Variants in ITPR3 observed in about 807,000 individuals in gnomAD.
ITPR3 encodes inositol 1,4,5-trisphosphate-gated calcium channel ITPR3.
Under a neutral mutation model 293.2 loss-of-function variants are expected in ITPR3, and 173 were observed. The ratio of observed to expected loss-of-function variants is 0.59; its 90% CI spans 0.52 to 0.67. The LOEUF (loss-of-function observed/expected upper bound fraction) is 0.67, where lower values mean the gene tolerates loss of function less well. ITPR3 is among the 30% of genes least tolerant of loss of function. The pLI is 0.00. For missense variants in ITPR3, 2,796 were observed against 3,592.1 expected, an observed-to-expected ratio of 0.78 and a Z score of 5.66; for synonymous variants, 1,295 against 1,444.4, an observed-to-expected ratio of 0.90 and a Z score of 2.35.
rs149921802 is a variant in ITPR3 at position 33,679,517 on chromosome 6, C to T, written c.3973-365C>T. On this transcript the variant is annotated intron_variant, in intron 30 of 57. Coordinates refer to ENST00000605930, the MANE Select transcript of ITPR3 (RefSeq NM_002224.4). The surrounding 1 kb of genome is among the most constrained non-coding windows in gnomAD (Gnocchi z 4.2). ...ACTGCGAATAATGCAGTCGCTGGCA[C>T]GAGAGGTGTGTGCTCAGTGAGGAGG... 5.8e-4 allele frequency among the ~76,000 whole-genome samples: 88 copies of T among 152,254 alleles called. No individual in the cohort carries two copies. The highest frequency in any genetic ancestry group is 6.8e-3 in the Middle Eastern group (2 of 294).
intron 1 of ITPR3, among the ~76,000 whole-genome samples, chr6:33,630,522 C>T (rs1296794130): frequency 3.3e-5 from 5 of 152,188 alleles, no homozygotes; most frequent in Non-Finnish European, 7.3e-5. Context: ...CCCAGCTTTC[C>T]CTTTGGTCTC....
chr6:33,670,828 G>A lies in ITPR3; in HGVS notation c.2586+13G>A. The A allele has an allele frequency of 6.2e-7, 1 of 1,612,128 alleles. No individual in the cohort carries two copies. ...GCTCACTTTTGAGGTGGCTGGGGGA[G>A]TGCCCAGGGGCTGGGGGTCCGTGGA... On this transcript the variant is annotated intron_variant, in intron 20 of 57. Coordinates refer to ENST00000605930, the MANE Select transcript of ITPR3 (RefSeq NM_002224.4). The surrounding 1 kb of genome is among the most constrained non-coding windows in gnomAD (Gnocchi z 6.7).
chr6:33,673,052 G>A (rs1764810579), intron 22 of ITPR3, among the ~76,000 whole-genome samples: 1 of 152,178 alleles, frequency 6.6e-6, no homozygotes, highest in Non-Finnish European at 1.5e-5. Flanking sequence ...TTCCATGTCT[G>A]CATCCTGGGG....
rs1765502410 is a variant in ITPR3 at position 33,695,009 on chromosome 6, T to C, written c.7871T>C (p.Ile2624Thr). Residue 2624 changes from isoleucine to threonine, a missense_variant, in exon 57 of 58, where the codon ATT becomes ACT. Coordinates refer to ENST00000605930, the MANE Select transcript of ITPR3 (RefSeq NM_002224.4). ...EGEGEQNEIR[I>T]LQDKLNSTMK... ...GAGGGGGAGCAGAATGAGATTCGGA[T>C]TCTCCAGGACAAGCTCAACTCCACC... 6.2e-7 allele frequency: 1 copy of C among 1,613,868 alleles called. No homozygotes were observed. Among genetic ancestry groups the C allele is most frequent in the Non-Finnish European group, 8.5e-7 (1 of 1,179,996 alleles).
At position 33,679,974 on chromosome 6, in the gene ITPR3, C is replaced by T. The variant is rs371289311; in HGVS notation, c.4065C>T (p.Gly1355=). ...ACATGATGAAGGCCGCCCGCGACGG[C>T]GTGGAGGACCACAGCCCCCTCATGT... ...LLDMMKAARD[G]VEDHSPLMYH... Residue 1355 remains glycine, a synonymous_variant, in exon 31 of 58, where the codon GGC becomes GGT. Transcript: ENST00000605930. This position sits in a 1 kb window ranked among gnomAD's most constrained non-coding sequence, Gnocchi z 4.2. 1.1e-4 allele frequency: 185 copies of T among 1,613,754 alleles called. 2 individuals carry two copies. In the South Asian group the frequency reaches 1.5e-3, roughly 13 times the overall value.
chr6:33,671,173 C>T lies in ITPR3; in HGVS notation c.2595C>T (p.Ser865=), dbSNP rs201160570. The change falls in exon 21 of 58, where the codon AGC becomes AGT. Residue 865 remains serine, a synonymous_variant. Coordinates refer to ENST00000605930, the MANE Select transcript of ITPR3 (RefSeq NM_002224.4). ...CCACGCCCCCTTCGCAGGTGGTCAG[C>T]CTGGCGCACAATCTCATCTACTTCG... ...EKNKLTFEVV[S]LAHNLIYFGF... The T allele has an allele frequency of 1.2e-6, 2 of 1,613,742 alleles. No homozygotes were observed. The highest frequency in any genetic ancestry group is 1.3e-5 in the African/African-American group (1 of 75,048).
rs1022406931 is a variant in ITPR3 at position 33,692,084 on chromosome 6, C to A, written c.7458+156C>A. ...ACTTTTCCCTGCTTTCCACACCTGG[C>A]CAATTCCATGATATTACTGCTTAGC... On this transcript the variant is annotated intron_variant, in intron 54 of 57. Coordinates refer to ENST00000605930, the MANE Select transcript of ITPR3 (RefSeq NM_002224.4). The surrounding 1 kb of genome is among the most constrained non-coding windows in gnomAD (Gnocchi z 4.2). 1.3e-5 allele frequency among the ~76,000 whole-genome samples: 2 copies of A among 152,222 alleles called. No homozygotes were observed. The highest frequency in any genetic ancestry group is 2.9e-5 in the Non-Finnish European group (2 of 68,038).
rs1483297645 is a variant in ITPR3, at chr6:33,656,629, G to A, written c.282+742G>A. On this transcript the variant is annotated intron_variant, in intron 3 of 57. Coordinates refer to ENST00000605930, the MANE Select transcript of ITPR3 (RefSeq NM_002224.4). ...GCCATGATGCTGGAATGTGGTGGTCGCTCATGAGCCCCTTGTGGGCAGTGG... is the reference window on the plus strand; with the variant it reads ...GCCATGATGCTGGAATGTGGTGGTCACTCATGAGCCCCTTGTGGGCAGTGG... Among the ~76,000 whole-genome samples, 3 of 152,278 alleles carry A rather than the reference G, an allele frequency of 2.0e-5. No individual in the cohort carries two copies. In the South Asian group the frequency reaches 6.2e-4, roughly 32 times the overall value.
chr6:33,683,330 G>C lies in ITPR3; in HGVS notation c.4721G>C (p.Arg1574Pro). The change falls in exon 35 of 58, where the codon CGG (arginine) becomes CCG (proline). Residue 1574 changes from arginine to proline, a missense_variant. Physicochemically the swap from Arg to Pro is moderately radical, Grantham distance 103. Transcript: ENST00000605930. The surrounding 1 kb of genome is among the most constrained non-coding windows in gnomAD (Gnocchi z 4.5). ...RNASSYKATT[R>P]AFPRVTPTAN... ...GCCTCCAGCTACAAGGCAACCACGC[G>C]GGCCTTCCCCCGCGTCACCCCCACC... 6.3e-7 allele frequency: 1 copy of C among 1,594,730 alleles called. No homozygotes were observed. Among genetic ancestry groups the C allele is most frequent in the Non-Finnish European group, 8.5e-7 (1 of 1,171,370 alleles).
rs1536038 is a variant in ITPR3 at position 33,663,383 on chromosome 6, G to C, written c.955-117G>C. 1.3e-5 allele frequency: 3 copies of C among 228,246 alleles called. No homozygotes were observed. In the Admixed American group the frequency reaches 3.0e-4, roughly 23 times the overall value. 14.1% of individuals were successfully genotyped at this position (228,246 alleles called of 1,614,324 possible). A position where few individuals can be genotyped will look rare whatever the true frequency, so the allele number is the denominator to read the frequency against. Reference sequence around the variant, plus strand: ...TGGAATGATATGGGCACCCCTGGGAGGGTGCAGCCTGCCTGCCCAAACCCA... The same window carrying C: ...TGGAATGATATGGGCACCCCTGGGACGGTGCAGCCTGCCTGCCCAAACCCA... On this transcript the variant is annotated intron_variant, in intron 9 of 57. Coordinates refer to ENST00000605930, the MANE Select transcript of ITPR3 (RefSeq NM_002224.4).
At position 33,686,226 on chromosome 6, in the gene ITPR3, C is replaced by T; in HGVS notation, c.5841C>T (p.Tyr1947=). 6.2e-7 allele frequency: 1 copy of T among 1,613,736 alleles called. No homozygotes were observed. Among genetic ancestry groups the T allele is most frequent in the Non-Finnish European group, 8.5e-7 (1 of 1,179,938 alleles). The change falls in exon 42 of 58, where the codon TAC becomes TAT. Residue 1947 remains tyrosine (Y), a synonymous_variant. Coordinates refer to ENST00000605930, the MANE Select transcript of ITPR3 (RefSeq NM_002224.4). ...VIQTLETLTE[Y]CQGPCHENQT... ...AGACCTTGGAGACCCTCACTGAGTA[C>T]TGCCAGGGCCCCTGCCATGAGAACC...
At position 33,662,553 on chromosome 6, in the gene ITPR3, C is replaced by T. The variant is rs763954233; in HGVS notation, c.737C>T (p.Ala246Val). Residue 246 changes from alanine (A) to valine (V), a missense_variant, in exon 8 of 58, where the codon GCG becomes GTG. By Grantham distance (64) the Ala-to-Val change is moderately conservative. Around this residue, in one of 8 missense-constraint regions of ITPR3, gnomAD observed 144 missense variants for 230.8 expected, o/e 0.62. Transcript: ENST00000605930. Reference sequence around the variant, plus strand: ...GGAGACGTGGTGCGGCTGTTCCATGCGGAGCAGGAGAAGTTCCTGACGTGT... The same window carrying T: ...GGAGACGTGGTGCGGCTGTTCCATGTGGAGCAGGAGAAGTTCCTGACGTGT... ...KGGDVVRLFH[A>V]EQEKFLTCDE... 7 of 1,605,570 alleles carry T rather than the reference C, an allele frequency of 4.4e-6. No individual in the cohort carries two copies. Among genetic ancestry groups the T allele is most frequent in the African/African-American group, 1.3e-5 (1 of 74,794 alleles).
At chr6:33,630,205 A>G (rs1763642298) in intron 1 of ITPR3, among the ~76,000 whole-genome samples, 3 of 152,176 alleles carry the variant, frequency 2.0e-5, no homozygotes, top group Admixed American at 2.0e-4. Flanking sequence ...TTCCACCATG[A>G]ACACTGAGTT....
rs960117839 is a variant in ITPR3, at chr6:33,633,772, G to A, written c.90-6712G>A. On this transcript the variant is annotated intron_variant, in intron 1 of 57. Coordinates refer to ENST00000605930, the MANE Select transcript of ITPR3 (RefSeq NM_002224.4). This position sits in a 1 kb window ranked among gnomAD's most constrained non-coding sequence, Gnocchi z 5.2. ...CGGGGGCGGGGGCGGGGCCGGGGCC[G>A]GGGCCGGACGCCCGGAGCTCGCGGG... is the stretch of plus-strand genomic sequence containing the variant. 6.9e-6 allele frequency among the ~76,000 whole-genome samples: 1 copy of A among 145,554 alleles called. No homozygotes were observed. The highest frequency in any genetic ancestry group is 2.5e-5 in the African/African-American group (1 of 40,630).
intron 2 of ITPR3, among the ~76,000 whole-genome samples, chr6:33,649,468 G>A (rs1199232567): frequency 6.6e-6 from 1 of 150,978 alleles, no homozygotes; most frequent in South Asian, 2.1e-4. Context: ...CAGGTGATCC[G>A]CCTGCCTTGG....
At chr6:33,669,959 C>A (rs1027165128) in intron 18 of ITPR3, among the ~76,000 whole-genome samples, 2 of 152,054 alleles carry the variant, frequency 1.3e-5, no homozygotes, top group Non-Finnish European at 2.9e-5. Context: ...CAAGGTTGCA[C>A]CCCTTTCACC....
At chr6:33,663,914 G>A (rs1194538940) in intron 11 of ITPR3, 34 bp downstream of exon 11, 1 of 1,611,972 alleles carries the variant, frequency 6.2e-7, no homozygotes. Flanking sequence ...GAGTTGACTG[G>A]TGGTGCTCAG....
At chr6:33,695,216 G>A in intron 57 of ITPR3, 131 bp downstream of exon 57, 2 of 1,004,824 alleles carry the variant, frequency 2.0e-6, no homozygotes, top group Non-Finnish European at 1.4e-6. Context: ...GAAGGCAGGT[G>A]CCAAACCCAC....
intron 50 of ITPR3, 44 bp downstream of exon 50, chr6:33,689,454 C>T (rs1247040480): frequency 1.3e-6 from 2 of 1,594,904 alleles, no homozygotes; most frequent in East Asian, 2.2e-5. Flanking sequence ...AGCTCATGCT[C>T]ACTGTGCATT....
Sources: gnomAD v4.1 joint callset for allele counts (sites outside exome capture counted in the v4.1 genomes callset) on GRCh38, gnomAD v4.1.1 for gene constraint, gnomAD v4.1.1 regional missense constraint, Gnocchi (gnomAD v3.1) non-coding constraint, MANE v1.5 for transcripts, NCBI Gene and HGNC (gene_info 2026-07-23, HGNC 2026-07-21) for gene names.